Variants in ARMCX4 observed in about 807,000 individuals in gnomAD.
ARMCX4 encodes the protein armadillo repeat containing X-linked 4, also known as armadillo repeat-containing X-linked protein 4.
A neutral mutation model predicts 34.7 loss-of-function variants in ARMCX4; 3 were observed. That is an observed-to-expected ratio of 0.09 (90% CI 0.04 to 0.22). The LOEUF (loss-of-function observed/expected upper bound fraction) is 0.22, where lower values mean the gene tolerates loss of function less well. Among genes scored for constraint, ARMCX4 ranks in the 10% least tolerant of loss-of-function variants. The pLI, the probability that ARMCX4 is intolerant of heterozygous loss-of-function variation, is 1.00. For synonymous variants in ARMCX4, 513 were observed against 632.8 expected (o/e 0.81, Z 2.84); for missense variants, 1,448 against 1,720.8 (o/e 0.84, Z 2.81).
In ARMCX4 at chrX:101,491,337, C is replaced by T; in HGVS notation, c.2748C>T (p.Ser916=). The T allele has an allele frequency of 8.6e-7, 1 of 1,156,134 alleles. No homozygotes were observed. Among genetic ancestry groups the T allele is most frequent in the Non-Finnish European group, 1.1e-6 (1 of 872,975 alleles). Reference sequence around the variant, plus strand: ...CCCAGCCTCAGGTTGTGGCCAACTCCCAGCGTGAGACCTTGCCTGGTGCCA... The same window carrying T: ...CCCAGCCTCAGGTTGTGGCCAACTCTCAGCGTGAGACCTTGCCTGGTGCCA... ...GSAQPQVVAN[S]QRETLPGARN... is the part of the protein sequence containing the mutation. Residue 916 remains serine (S), a synonymous_variant, in exon 6 of 6, where the codon TCC becomes TCT. Coordinates refer to ENST00000423738, the MANE Select transcript of ARMCX4 (RefSeq NM_001256155.3).
downstream of ARMCX4, chrX:101,498,592 T>C (rs1556012614): frequency 8.5e-6 from 1 of 117,985 alleles, no homozygotes; most frequent in African/African-American, 3.2e-5. Context: ...TGTTTGAAAG[T>C]CAGATGGCTT....
At chrX:101,447,314 T>C (rs1555998253), downstream of ARMCX4, among the ~76,000 whole-genome samples, 1 of 112,660 alleles carries the variant, frequency 8.9e-6, no homozygotes, top group Admixed American at 9.4e-5. Context: ...TGTGGACATC[T>C]TTTTAAATCA....
Position 101,438,377 on chromosome X carries a change from AC to A in ARMCX4, n.165-5674del, listed in dbSNP as rs782399133. ...CAGGAGATAGAGACCATCCTGGCTA[AC>A]AGGGTGAAACCCAATCTCTACTAAA... is the stretch of plus-strand genomic sequence containing the variant. On this transcript the variant is annotated intron_variant and non_coding_transcript_variant, in intron 2 of 3. Transcript: ENST00000430461. 1.1e-3 allele frequency among the ~76,000 whole-genome samples: 119 copies of A among 111,811 alleles called. 1 individual carries two copies. The highest frequency in any genetic ancestry group is 3.8e-3 in the African/African-American group (116 of 30,750).
chrX:101,431,795 A>G (rs782047437), intron 2 of ARMCX4, among the ~76,000 whole-genome samples: 52 of 112,273 alleles, frequency 4.6e-4, no homozygotes, highest in Admixed American at 1.8e-3. Context: ...TGCCCGCCTC[A>G]GCCTCCCAAA....
At chrX:101,443,450 A>T (rs1424128163) in intron 2 of ARMCX4, among the ~76,000 whole-genome samples, 1 of 112,172 alleles carries the variant, frequency 8.9e-6, no homozygotes, top group Non-Finnish European at 1.9e-5. Flanking sequence ...TATGAGAAAT[A>T]AGTTTTTATT....
At chrX:101,513,683 T>A (rs782460488) in intron 11 of ARMCX4, among the ~76,000 whole-genome samples, 1 of 111,660 alleles carries the variant, frequency 9.0e-6, no homozygotes, top group Admixed American at 9.5e-5. Flanking sequence ...TTATAACTAT[T>A]TTCTTTCACT....
intron 4 of ARMCX4, among the ~76,000 whole-genome samples, chrX:101,463,805 A>C (rs1452022382): frequency 2.7e-5 from 3 of 110,843 alleles, no homozygotes; most frequent in Non-Finnish European, 5.7e-5. Flanking sequence ...TGAAGTGCAG[A>C]GTGGCGTGAT....
intron 11 of ARMCX4, among the ~76,000 whole-genome samples, chrX:101,526,244 G>A (rs1244848674): frequency 1.8e-5 from 2 of 111,786 alleles, no homozygotes; most frequent in African/African-American, 6.5e-5. Context: ...AGCTTCGTAA[G>A]TGAAGGAGAA....
intron 2 of ARMCX4, among the ~76,000 whole-genome samples, chrX:101,433,064 GTA>G (rs368859892): frequency 1.0e-5 from 1 of 99,258 alleles, no homozygotes; most frequent in Non-Finnish European, 2.1e-5. Flanking sequence ...ACATACACGT[GTA>G]TATATACACA....
In ARMCX4 at chrX:101,493,187, G is replaced by T; in HGVS notation, c.4598G>T (p.Gly1533Val). Residue 1533 changes from glycine to valine, a missense_variant, in exon 6 of 6, where the codon GGG (glycine) becomes GTG (valine). This residue lies in a region of ARMCX4 where 1,343 missense variants were observed against 1,540.7 expected (regional missense o/e 0.87). Coordinates refer to ENST00000423738, the MANE Select transcript of ARMCX4 (RefSeq NM_001256155.3). ...WGGASGQDVG[G>V]SRPGPTNQSS... is the part of the protein sequence containing the mutation. ...GGGGCTAGTGGCCAGGATGTTGGAG[G>T]GTCTAGGCCAGGGCCCACGAACCAG... 8.7e-7 allele frequency: 1 copy of T among 1,155,469 alleles called. No homozygotes were observed. The highest frequency in any genetic ancestry group is 1.1e-6 in the Non-Finnish European group (1 of 872,707).
chrX:101,428,900 G>C, intron 2 of ARMCX4, among the ~76,000 whole-genome samples: 1 of 83,762 alleles, frequency 1.2e-5, no homozygotes. Context: ...TTTTGAGACA[G>C]AGCCTTTGTC....
At chrX:101,515,887 T>C (rs147033896) in intron 11 of ARMCX4, among the ~76,000 whole-genome samples, 1,858 of 110,868 alleles carry the variant, frequency 0.017, 37 homozygotes, top group African/African-American at 0.058. Flanking sequence ...TGACTATCCG[T>C]GTTCTCTTTA....
chrX:101,435,360 G>C (rs782501643), intron 2 of ARMCX4, among the ~76,000 whole-genome samples: 1 of 111,317 alleles, frequency 9.0e-6, no homozygotes, highest in Non-Finnish European at 1.9e-5. Context: ...TCTCATTGTG[G>C]TTTTGATTTG....
chrX:101,489,949 G>A lies in ARMCX4; in HGVS notation c.1360G>A (p.Gly454Ser), dbSNP rs1933903254. The A allele has an allele frequency of 1.7e-6, 2 of 1,155,780 alleles. No homozygotes were observed. The highest frequency in any genetic ancestry group is 3.3e-5 in the East Asian group (1 of 30,743). ...ALPDARDKSR[G>S]NPNVMAKVGD... ...GCCTGATGCCAGGGATAAGAGCAGA[G>A]GCAATCCCAATGTTATGGCTAAGGT... Residue 454 changes from glycine (G) to serine (S), a missense_variant, in exon 6 of 6, where the codon GGC (glycine) becomes AGC (serine). By Grantham distance (56) the Gly-to-Ser change is moderately conservative. Around this residue, in one of 2 missense-constraint regions of ARMCX4, gnomAD observed 1,343 missense variants for 1,540.7 expected, o/e 0.87. Coordinates refer to ENST00000423738, the MANE Select transcript of ARMCX4 (RefSeq NM_001256155.3).
At chrX:101,471,171 T>A (rs1932892045) in intron 4 of ARMCX4, among the ~76,000 whole-genome samples, 1 of 112,243 alleles carries the variant, frequency 8.9e-6, no homozygotes, top group African/African-American at 3.2e-5. Context: ...TTTGTAGGAG[T>A]TCTTTATATA....
chrX:101,492,159 G>T lies in ARMCX4; in HGVS notation c.3570G>T (p.Gly1190=). ...WARAGEQASG[G]LWAGGQTSEG... is the part of the protein sequence containing the mutation. ...GAGCTGGGGAGCAGGCCAGTGGAGG[G>T]CTCTGGGCTGGGGGTCAGACTAGTG... Residue 1190 remains glycine (G), a synonymous_variant, in exon 6 of 6, where the codon GGG becomes GGT. Coordinates refer to ENST00000423738, the MANE Select transcript of ARMCX4 (RefSeq NM_001256155.3). The T allele has an allele frequency of 8.7e-7, 1 of 1,152,919 alleles. No homozygotes were observed. Among genetic ancestry groups the T allele is most frequent in the East Asian group, 3.3e-5 (1 of 30,692 alleles).
chrX:101,523,643 C>A (rs1934900783), intron 11 of ARMCX4, among the ~76,000 whole-genome samples: 1 of 111,599 alleles, frequency 9.0e-6, no homozygotes, highest in South Asian at 3.8e-4. Context: ...AAACCCATGA[C>A]CAAGCAAACA....
Position 101,495,208 on chromosome X carries a change from A to G in ARMCX4, c.6619A>G (p.Thr2207Ala), listed in dbSNP as rs1435903491. The stretch of plus-strand genomic sequence containing the variant: ...AGACTTGCTCATTGCCAATGCACCA[A>G]CATCACTGATTAACATTTTTAGCAA... ...TKDLLIANAPTSLINIFSKKE... is the reference protein window; with the variant it reads ...TKDLLIANAPASLINIFSKKE... The change falls in exon 6 of 6, where the codon ACA (threonine) becomes GCA (alanine). Residue 2207 changes from threonine to alanine, a missense_variant. Physicochemically the swap from Thr to Ala is moderately conservative, Grantham distance 58. This residue lies in a region of ARMCX4 where 105 missense variants were observed against 180.2 expected (regional missense o/e 0.58). Transcript: ENST00000423738. The G allele has an allele frequency of 5.2e-6, 6 of 1,149,044 alleles. No individual in the cohort carries two copies. The highest frequency in any genetic ancestry group is 6.9e-6 in the Non-Finnish European group (6 of 867,480). 94.7% of individuals were successfully genotyped at this position (1,149,044 alleles called of 1,213,427 possible).
Position 101,493,061 on chromosome X carries a change from G to C in ARMCX4, c.4472G>C (p.Arg1491Thr). ...GTTGGAGATTCTAGGCTGGGGCTTA[G>C]GGACCAGTCTAGTGGAGATTCCTGG... ...QVVGDSRLGL[R>T]DQSSGDSWAG... The change falls in exon 6 of 6, where the codon AGG becomes ACG. Residue 1491 changes from arginine (R) to threonine (T), a missense_variant. Around this residue, in one of 2 missense-constraint regions of ARMCX4, gnomAD observed 1,343 missense variants for 1,540.7 expected, o/e 0.87. Coordinates refer to ENST00000423738, the MANE Select transcript of ARMCX4 (RefSeq NM_001256155.3). 1 of 1,154,902 alleles carries C rather than the reference G, an allele frequency of 8.7e-7. No individual in the cohort carries two copies. Among genetic ancestry groups the C allele is most frequent in the Non-Finnish European group, 1.1e-6 (1 of 871,937 alleles).
Sources: allele counts gnomAD v4.1 joint callset (sites outside exome capture counted in the v4.1 genomes callset), GRCh38; gene constraint gnomAD v4.1.1; regional missense constraint gnomAD v4.1.1; transcripts MANE v1.5; gene names NCBI Gene and HGNC (gene_info 2026-07-23, HGNC 2026-07-21).